The following PBX1 variants were observed in gnomAD, a reference collection of about 807,000 sequenced individuals.
PBX1 encodes PBX homeobox 1.
Under a neutral mutation model 53.4 loss-of-function variants are expected in PBX1, and 6 were observed. The ratio of observed to expected loss-of-function variants is 0.11; its 90% confidence interval spans 0.06 to 0.22. PBX1 has a LOEUF of 0.22. Among genes scored for constraint, PBX1 ranks in the 10% least tolerant of loss-of-function variants. The probability of loss-of-function intolerance (pLI) is 1.00; values close to 1 mark genes in which losing one functional copy is unlikely to be tolerated. For synonymous variants in PBX1, 204 were observed against 212.3 expected, an observed-to-expected ratio of 0.96 and a Z score of 0.34; for missense variants, 251 against 551.4, an observed-to-expected ratio of 0.46 and a Z score of 5.46.
intron 8 of PBX1, among the ~76,000 whole-genome samples, chr1:164,837,442 A>G (rs979286724): frequency 2.6e-5 from 4 of 152,164 alleles, no homozygotes; most frequent in Admixed American, 1.3e-4. Context: ...TGTAAGTAGC[A>G]TCTGTGTGTC....
intron 2 of PBX1, among the ~76,000 whole-genome samples, chr1:164,655,280 ATGT>A (rs1660096300): frequency 6.6e-6 from 1 of 151,814 alleles, no homozygotes; most frequent in African/African-American, 2.4e-5. Context: ...CGCCTGTCTA[ATGT>A]TGTACTTTTA....
intron 2 of PBX1, among the ~76,000 whole-genome samples, chr1:164,757,400 A>G (rs114333748): frequency 6.6e-6 from 1 of 152,328 alleles, no homozygotes; most frequent in Non-Finnish European, 1.5e-5. Flanking sequence ...TTGAAGTCGT[A>G]TCTATTCAAC....
intron 2 of PBX1, among the ~76,000 whole-genome samples, chr1:164,671,037 T>C (rs945488570): frequency 2.0e-5 from 3 of 152,194 alleles, no homozygotes; most frequent in Non-Finnish European, 2.9e-5. Flanking sequence ...CATTTAATGA[T>C]GTGGTGCTCC....
In PBX1 at chr1:164,655,419, G is replaced by A. The variant is rs147542017; in HGVS notation, c.265+92108G>A. Among the ~76,000 whole-genome samples, 524 of 152,212 alleles carry A rather than the reference G, an allele frequency of 3.4e-3. 2 individuals are homozygous for A. The highest frequency in any genetic ancestry group is 6.8e-3 in the Middle Eastern group (2 of 294). ...TGAGCCACTGTGCCCGGCCTCTGAA[G>A]TCTTTTTTAAACTGCCTGTCTTCTA... On this transcript the variant is annotated intron_variant, in intron 2 of 8. Transcript: ENST00000420696.
At chr1:164,777,080 C>T (rs990216944) in intron 2 of PBX1, among the ~76,000 whole-genome samples, 4 of 151,852 alleles carry the variant, frequency 2.6e-5, no homozygotes, top group Admixed American at 6.6e-5. Flanking sequence ...AATGCTTGGC[C>T]GTCAACAGAA....
At chr1:164,595,489 A>ATG (rs1383166773) in intron 2 of PBX1, among the ~76,000 whole-genome samples, 3 of 150,546 alleles carry the variant, frequency 2.0e-5, no homozygotes, top group African/African-American at 7.3e-5. Context: ...TGGCTAGTTG[A>ATG]TGATGGTGGG....
At chr1:164,673,465 CTTTTTT>C (rs1171916726) in intron 2 of PBX1, among the ~76,000 whole-genome samples, 115 of 109,400 alleles carry the variant, frequency 1.1e-3, no homozygotes, top group African/African-American at 4.2e-3. Flanking sequence ...AAATTACTAA[CTTTTTT>C]TTTTTTTTTT....
intron 2 of PBX1, among the ~76,000 whole-genome samples, chr1:164,664,059 TG>T (rs1340514625): frequency 6.6e-6 from 1 of 152,186 alleles, no homozygotes; most frequent in East Asian, 1.9e-4. Flanking sequence ...TTGCATTTGG[TG>T]AGTTTGTTGA....
At chr1:164,581,655 G>C (rs2101742138) in intron 2 of PBX1, among the ~76,000 whole-genome samples, 1 of 152,162 alleles carries the variant, frequency 6.6e-6, no homozygotes, top group African/African-American at 2.4e-5. Context: ...TATCACCCCA[G>C]GTCTTTGAAG....
intron 3 of PBX1, 106 bp downstream of exon 3, chr1:164,792,844 T>TGGCATCCCTGTGCCC (rs1277775034): frequency 1.2e-6 from 1 of 846,864 alleles, no homozygotes; most frequent in Admixed American, 3.0e-5. Flanking sequence ...TCCCAGGTGC[T>TGGCATCCCTGTGCCC]GGCATCCCTG....
Position 164,786,727 on chromosome 1 carries a change from GCA to G in PBX1, c.266-5755_266-5754del, listed in dbSNP as rs796640173. On this transcript the variant is annotated intron_variant, in intron 2 of 8. Coordinates refer to ENST00000420696, the MANE Select transcript of PBX1 (RefSeq NM_002585.4). ...TGTGTGTGTGTGTGTGTGTGCGCGC[GCA>G]CACACACACACGCACAGAATAGATA... Among the ~76,000 whole-genome samples the G allele has an allele frequency of 9.0e-3, 1,226 of 136,480 alleles. 17 individuals are homozygous for G. Among genetic ancestry groups the G allele is most frequent in the African/African-American group, 0.031 (1,139 of 36,674 alleles). 89.5% of individuals were successfully genotyped at this position (136,480 alleles called of 152,430 possible).
intron 3 of PBX1, 31 bp from the exon 4 acceptor site, chr1:164,799,668 A>G: frequency 6.3e-7 from 1 of 1,594,956 alleles, no homozygotes; most frequent in Non-Finnish European, 8.6e-7. Context: ...TTGGACCCTC[A>G]ATGACGGTGT....
intron 2 of PBX1, among the ~76,000 whole-genome samples, chr1:164,767,928 G>A (rs1667151685): frequency 2.0e-5 from 3 of 152,024 alleles, no homozygotes; most frequent in Admixed American, 1.3e-4. Context: ...AAGGACTCAT[G>A]TTGTTGAACC....
At chr1:164,806,887 G>T (rs1669381620) in intron 4 of PBX1, among the ~76,000 whole-genome samples, 1 of 152,210 alleles carries the variant, frequency 6.6e-6, no homozygotes, top group African/African-American at 2.4e-5. Flanking sequence ...ACCCTGTGAA[G>T]TCAGTATCAC....
At chr1:164,745,376 A>T (rs1665838341) in intron 2 of PBX1, among the ~76,000 whole-genome samples, 1 of 152,214 alleles carries the variant, frequency 6.6e-6, no homozygotes, top group African/African-American at 2.4e-5. Context: ...TAACTGTTAT[A>T]GATAATAACA....
intron 2 of PBX1, among the ~76,000 whole-genome samples, chr1:164,672,577 T>G (rs1409771045): frequency 6.6e-6 from 1 of 152,224 alleles, no homozygotes; most frequent in Non-Finnish European, 1.5e-5. Context: ...ATAATTTCCA[T>G]AAGATTTTTT....
intron 2 of PBX1, among the ~76,000 whole-genome samples, chr1:164,688,732 G>C (rs1214446467): frequency 6.6e-6 from 1 of 152,090 alleles, no homozygotes; most frequent in African/African-American, 2.4e-5. Flanking sequence ...TCCCCTTCTA[G>C]GAGATTTCAG....
At position 164,851,356 on chromosome 1, in the gene PBX1, C is replaced by G. The variant is rs1027205674; in HGVS notation, c.*4680C>G. 9.7e-6 allele frequency: 2 copies of G among 205,542 alleles called. No homozygotes were observed. The highest frequency in any genetic ancestry group is 2.3e-5 in the African/African-American group (1 of 43,764). 12.7% of individuals were successfully genotyped at this position (205,542 alleles called of 1,614,324 possible). A position where few individuals can be genotyped will look rare whatever the true frequency, so the allele number is the denominator to read the frequency against. On this transcript the variant is annotated 3_prime_UTR_variant, in exon 9 of 9. Transcript: ENST00000420696. Reference sequence around the variant, plus strand: ...AGCAATGCTTTAGGAAATATTTCTACCTGAACACTTGTACTCTTGAAGTCA... The same window carrying G: ...AGCAATGCTTTAGGAAATATTTCTAGCTGAACACTTGTACTCTTGAAGTCA...
At chr1:164,756,706 T>A (rs1304132686) in intron 2 of PBX1, among the ~76,000 whole-genome samples, 3 of 152,258 alleles carry the variant, frequency 2.0e-5, no homozygotes, top group African/African-American at 7.2e-5. Context: ...CTAAGTTTAG[T>A]GTTTATAAAA....
Sources: allele counts gnomAD v4.1 joint callset (sites outside exome capture counted in the v4.1 genomes callset), GRCh38; gene constraint gnomAD v4.1.1; transcripts MANE v1.5; gene names NCBI Gene and HGNC (gene_info 2026-07-23, HGNC 2026-07-21).